The following SIGIRR variants were observed in gnomAD, a reference collection of about 807,000 sequenced individuals.
The protein encoded by SIGIRR is single Ig IL-1-related receptor.
Under a neutral mutation model 45.6 loss-of-function variants are expected in SIGIRR, and 41 were observed. The ratio of observed to expected loss-of-function variants is 0.90; its 90% CI spans 0.70 to 1.17. The LOEUF (loss-of-function observed/expected upper bound fraction) is 1.17, where lower values mean the gene tolerates loss of function less well. Ranked by LOEUF, SIGIRR falls within the 50% of genes most tolerant of loss-of-function variation. SIGIRR has a pLI of 0.00. For missense variants in SIGIRR, 599 were observed against 539.6 expected (o/e 1.11, Z -1.09); for synonymous variants, 298 against 239.0 (o/e 1.25, Z -2.28).
chr11:415,376 T>A (rs1232711203), upstream of SIGIRR, among the ~76,000 whole-genome samples: 1 of 144,936 alleles, frequency 6.9e-6, no homozygotes, highest in Admixed American at 6.9e-5. The surrounding 1 kb of genome is among the most constrained non-coding windows in gnomAD (Gnocchi z 6.6). Context: ...GCATGGGGGG[T>A]CCTCCAGCCA....
intron 2 of SIGIRR, 199 bp downstream of exon 2, chr11:409,669 G>A (rs1847499786): frequency 2.0e-6 from 1 of 488,894 alleles, no homozygotes; most frequent in Non-Finnish European, 3.4e-6. Flanking sequence ...GCAGGAGAGG[G>A]TGCAGGGCTC....
intron 1 of SIGIRR, among the ~76,000 whole-genome samples, chr11:414,513 C>T (rs1391304260): frequency 6.6e-6 from 1 of 152,058 alleles, no homozygotes; most frequent in Non-Finnish European, 1.5e-5. Flanking sequence ...CTACACAGCA[C>T]ACTTCCTACC....
chr11:409,266 CG>C, intron 2 of SIGIRR: 1 of 420,976 alleles, frequency 2.4e-6, no homozygotes, highest in Non-Finnish European at 4.6e-6. Context: ...TAGGAGGGGC[CG>C]GGCACTGCAC....
intron 6 of SIGIRR, 85 bp downstream of exon 6, chr11:407,340 G>A: frequency 8.2e-7 from 1 of 1,222,814 alleles, no homozygotes; most frequent in Non-Finnish European, 1.1e-6. Flanking sequence ...CGATGGTGGG[G>A]GTGGGGCCCC....
At chr11:416,000 C>T (rs1847870497), upstream of SIGIRR, among the ~76,000 whole-genome samples, 1 of 152,152 alleles carries the variant, frequency 6.6e-6, no homozygotes, top group South Asian at 2.1e-4. This position sits in a 1 kb window ranked among gnomAD's most constrained non-coding sequence, Gnocchi z 6.6. Flanking sequence ...CTGACTGAGT[C>T]CCAGCCCTGC....
At position 411,474 on chromosome 11, in the gene SIGIRR, G is replaced by C. The variant is rs879184127; in HGVS notation, c.-153-1447C>G. ...TCTGACCATGTCTGGATACAGTCGG[G>C]GAGGGGTGCCCAGCTCTGACCATGT... On this transcript the variant is annotated intron_variant, in intron 1 of 9. Transcript: ENST00000431843. Among the ~76,000 whole-genome samples, 39 of 5,546 alleles carry C rather than the reference G, an allele frequency of 7.0e-3. 13 individuals are homozygous for C. Among genetic ancestry groups the C allele is most frequent in the African/African-American group, 0.045 (12 of 266 alleles). 3.6% of individuals were successfully genotyped at this position (5,546 alleles called of 152,430 possible).
chr11:407,481 T>C lies in SIGIRR; in HGVS notation c.569A>G (p.Glu190Gly). ...GAAGAGCTTGTAGCCCCGACGCCGC[T>C]CCAGCTGCGGCTTTAGGATGAAGTT... ...FVNFILKPQL[E>G]RRRGYKLFLD... The change falls in exon 6 of 10, where the codon GAG becomes GGG. Residue 190 changes from glutamate (E) to glycine (G), a missense_variant. Physicochemically the swap from Glu to Gly is moderately conservative, Grantham distance 98. Transcript: ENST00000431843. 1 of 1,587,564 alleles carries C rather than the reference T, an allele frequency of 6.3e-7. No homozygotes were observed. Among genetic ancestry groups the C allele is most frequent in the South Asian group, 1.1e-5 (1 of 87,842 alleles).
chr11:408,303 G>C, intron 3 of SIGIRR, 97 bp from the exon 4 acceptor site: 1 of 1,490,904 alleles, frequency 6.7e-7, no homozygotes, highest in Non-Finnish European at 9.0e-7. Context: ...CTGCAGAATT[G>C]GGCCTCCTGG....
rs550105434 is a variant in SIGIRR, at chr11:406,421, T to A, written c.997A>T (p.Ile333Phe). 1.4e-5 allele frequency: 22 copies of A among 1,612,738 alleles called. No homozygotes were observed. The highest frequency in any genetic ancestry group is 1.9e-5 in the Non-Finnish European group (22 of 1,179,912). Reference protein sequence around the residue: ...QLQDDKDPMLILRGRVPEGRA... With the variant: ...QLQDDKDPMLFLRGRVPEGRA... ...CCCTCAGGGACTCGGCCTCGAAGAA[T>A]CAGCATGGGGTCCTTGTCGTCCTGC... The change falls in exon 9 of 10, where the codon ATT becomes TTT. Residue 333 changes from isoleucine (I) to phenylalanine (F), a missense_variant. Coordinates refer to ENST00000431843, the MANE Select transcript of SIGIRR (RefSeq NM_001135054.2).
At chr11:410,059 G>T in intron 1 of SIGIRR, 32 bp from the exon 2 acceptor site, 1 of 1,237,830 alleles carries the variant, frequency 8.1e-7, no homozygotes, top group Non-Finnish European at 1.0e-6. Context: ...AAGTTAAACA[G>T]GAACAGGATG....
chr11:408,801 C>T lies in SIGIRR; in HGVS notation c.100G>A (p.Ala34Thr). Residue 34 changes from alanine (A) to threonine (T), a missense_variant, in exon 3 of 10, where the codon GCT (alanine) becomes ACT (threonine). Coordinates refer to ENST00000431843, the MANE Select transcript of SIGIRR (RefSeq NM_001135054.2). ...CAGTGGGGCCCAGAGACTACCCAAG[C>T]CGTGCAGTTCAGAGCCACTGAGCTG... ...LGSSVALNCTAWVVSGPHCSL... is the reference protein window; with the variant it reads ...LGSSVALNCTTWVVSGPHCSL... The T allele has an allele frequency of 1.2e-6, 2 of 1,612,794 alleles. No homozygotes were observed. The highest frequency in any genetic ancestry group is 4.5e-5 in the East Asian group (2 of 44,890).
chr11:413,302 G>A (rs1205556786), intron 1 of SIGIRR, among the ~76,000 whole-genome samples: 1 of 152,054 alleles, frequency 6.6e-6, no homozygotes, highest in Non-Finnish European at 1.5e-5. Flanking sequence ...ACAGCATGAG[G>A]CACACACCCA....
At chr11:414,025 C>T (rs1267679236) in intron 1 of SIGIRR, among the ~76,000 whole-genome samples, 1 of 114,818 alleles carries the variant, frequency 8.7e-6, no homozygotes, top group Non-Finnish European at 1.8e-5. Context: ...CACCCTCTCC[C>T]CTGCACACCT....
intron 8 of SIGIRR, 49 bp downstream of exon 8, chr11:406,794 C>A (rs1197576168): frequency 2.7e-6 from 4 of 1,463,348 alleles, no homozygotes; most frequent in Non-Finnish European, 3.6e-6. Context: ...GGGCACCGCC[C>A]ATCTCTAACC....
intron 7 of SIGIRR, 23 bp downstream of exon 7, chr11:407,039 A>G (rs1564887503): frequency 1.3e-6 from 2 of 1,575,650 alleles, no homozygotes; most frequent in Non-Finnish European, 1.7e-6. Flanking sequence ...GCTGGGGCCC[A>G]CCCAACCCCG....
intron 3 of SIGIRR, 129 bp from the exon 4 acceptor site, chr11:408,335 A>G (rs537757932): frequency 5.6e-6 from 7 of 1,253,960 alleles, no homozygotes; most frequent in Non-Finnish European, 7.7e-6. Context: ...GCCTTAAGCC[A>G]AGAGAAGTGA....
At position 406,879 on chromosome 11, in the gene SIGIRR, GTGGCGGTGC is replaced by G; in HGVS notation, c.834_842del (p.Gln278_Arg280del). 6.3e-7 allele frequency: 1 copy of G among 1,581,894 alleles called. No individual in the cohort carries two copies. Among genetic ancestry groups the G allele is most frequent in the Non-Finnish European group, 8.5e-7 (1 of 1,170,212 alleles). ...GCCTCCAGAGCAGCAAGGTCACCAG[GTGGCGGTGC>G]TGGCGCAGCAGGCGGAGCGCCGGGT... On this transcript the variant is annotated inframe_deletion, in exon 8 of 10. Coordinates refer to ENST00000431843, the MANE Select transcript of SIGIRR (RefSeq NM_001135054.2).
At chr11:406,226 G>A in intron 9 of SIGIRR, 123 bp downstream of exon 9, 1 of 1,540,358 alleles carries the variant, frequency 6.5e-7, no homozygotes, top group Non-Finnish European at 8.7e-7. Context: ...CCGTGCAGGG[G>A]CTCCCGGTGC....
chr11:415,401 G>A (rs1472640887), upstream of SIGIRR, among the ~76,000 whole-genome samples: 1 of 152,088 alleles, frequency 6.6e-6, no homozygotes, highest in South Asian at 2.1e-4. This position sits in a 1 kb window ranked among gnomAD's most constrained non-coding sequence, Gnocchi z 6.6. Flanking sequence ...ACCCCCGCCA[G>A]GGCCACCCTG....
Sources: gnomAD v4.1 joint callset for allele counts (sites outside exome capture counted in the v4.1 genomes callset) on GRCh38, gnomAD v4.1.1 for gene constraint, Gnocchi (gnomAD v3.1) non-coding constraint, MANE v1.5 for transcripts, NCBI Gene and HGNC (gene_info 2026-07-23, HGNC 2026-07-21) for gene names.